RDX: variants seen among roughly 807,000 people sequenced by gnomAD.
The protein encoded by RDX is deafness, autosomal recessive 24.
In RDX, 32 loss-of-function variants were observed where a neutral mutation model predicts 83.7. The observed-to-expected ratio is 0.38, with a 90% CI of 0.29 to 0.51. RDX has a LOEUF of 0.51. RDX is among the 20% of genes least tolerant of loss of function. RDX has a pLI of 0.87. For synonymous variants in RDX, 229 were observed against 222.7 expected (o/e 1.03, Z -0.25); for missense variants, 600 against 689.9 (o/e 0.87, Z 1.46).
intron 14 of RDX, among the ~76,000 whole-genome samples, chr11:110,211,175 AGG>A (rs1425245906): frequency 2.0e-5 from 3 of 152,232 alleles, no homozygotes; most frequent in Non-Finnish European, 4.4e-5. Flanking sequence ...AAAAAAAGGC[AGG>A]GGTTGCAATC....
chr11:110,231,430 G>T lies in RDX; in HGVS notation c.*439C>A. On this transcript the variant is annotated 3_prime_UTR_variant, in exon 14 of 14. Transcript: ENST00000645495. ...ATGGCTATGGACATGGCAGATAAGA[G>T]AAGGGCACACTGAGAAAATGTGAGT... 1 of 237,694 alleles carries T rather than the reference G, an allele frequency of 4.2e-6. No individual in the cohort carries two copies. Among genetic ancestry groups the T allele is most frequent in the South Asian group, 6.3e-5 (1 of 15,960 alleles). The allele number at this position is 237,694 out of a possible 1,614,324, so 14.7% of individuals were successfully genotyped here. A position where few individuals can be genotyped will look rare whatever the true frequency, so the allele number is the denominator to read the frequency against.
intron 2 of RDX, among the ~76,000 whole-genome samples, chr11:110,278,140 G>C (rs781573832): frequency 6.6e-6 from 1 of 151,944 alleles, no homozygotes; most frequent in African/African-American, 2.4e-5. Flanking sequence ...TCATTTCACC[G>C]ATCCTATTAA....
intron 2 of RDX, among the ~76,000 whole-genome samples, chr11:110,275,960 T>C (rs963205890): frequency 2.2e-4 from 34 of 151,906 alleles, no homozygotes; most frequent in African/African-American, 8.0e-4. Flanking sequence ...ATTTTTTGTA[T>C]TTTTAGTATA....
intron 10 of RDX, among the ~76,000 whole-genome samples, chr11:110,239,723 C>G (rs1166276255): frequency 6.7e-6 from 1 of 149,924 alleles, no homozygotes; most frequent in Non-Finnish European, 1.5e-5. Context: ...TTGGGATTTA[C>G]AAAAATTAGC....
intron 3 of RDX, among the ~76,000 whole-genome samples, chr11:110,270,124 G>C (rs190878319): frequency 6.6e-6 from 1 of 151,480 alleles, no homozygotes; most frequent in African/African-American, 2.4e-5. Flanking sequence ...GCATGTGTGC[G>C]TGTGTGTGTG....
intron 1 of RDX, chr11:110,287,073 C>T (rs1031439641): frequency 2.6e-5 from 4 of 151,890 alleles, no homozygotes; most frequent in Non-Finnish European, 5.9e-5. Flanking sequence ...TAATGTATTC[C>T]AAAAGTATCT....
rs1565310090 is a variant in RDX, at chr11:110,241,075, A to AAG, written c.1091-3424_1091-3423insCT. On this transcript the variant is annotated intron_variant, in intron 10 of 13. Coordinates refer to ENST00000645495, the MANE Select transcript of RDX (RefSeq NM_002906.4). ...TGTCTCCAAAAAAAAAAAAAAAAAAAGGGGCGGGGGGGCAAAGATGTGTAC... is the reference window on the plus strand; with the variant it reads ...TGTCTCCAAAAAAAAAAAAAAAAAAAAGGGGGCGGGGGGGCAAAGATGTGTAC... Among the ~76,000 whole-genome samples the AAG allele has an allele frequency of 5.7e-4, 76 of 134,108 alleles. 1 individual carries two copies. Among genetic ancestry groups the AAG allele is most frequent in the Admixed American group, 1.0e-3 (14 of 13,386 alleles). 88.0% of individuals were successfully genotyped at this position (134,108 alleles called of 152,430 possible).
At chr11:110,272,665 G>A (rs1392871786) in intron 2 of RDX, 46 bp from the exon 3 acceptor site, 1 of 1,283,700 alleles carries the variant, frequency 7.8e-7, no homozygotes, top group African/African-American at 1.5e-5. Context: ...GAAGTTATTA[G>A]GCGTGAGAAA....
chr11:110,252,612 A>G (rs1382279585), intron 9 of RDX, among the ~76,000 whole-genome samples: 6 of 152,196 alleles, frequency 3.9e-5, no homozygotes, highest in African/African-American at 1.2e-4. Flanking sequence ...CCTTTGACAG[A>G]GGGAAATGCA....
chr11:110,196,189 A>T (rs577776510), intron 15 of RDX: 3 of 152,364 alleles, frequency 2.0e-5, no homozygotes, highest in African/African-American at 7.2e-5. Flanking sequence ...CAGAAAGTGA[A>T]TAGGAAAGTC....
Position 110,279,756 on chromosome 11 carries a change from T to A in RDX, c.-64A>T. 9.8e-7 allele frequency: 1 copy of A among 1,016,582 alleles called. No individual in the cohort carries two copies. The highest frequency in any genetic ancestry group is 1.5e-6 in the Non-Finnish European group (1 of 667,336). 63.0% of individuals were successfully genotyped at this position (1,016,582 alleles called of 1,614,324 possible). A position where few individuals can be genotyped will look rare whatever the true frequency, so the allele number is the denominator to read the frequency against. On this transcript the variant is annotated splice_region_variant and 5_prime_UTR_variant, in exon 2 of 14. Transcript: ENST00000645495. ...ACTTCAATGAATTCTGTTATCACTTTCTGTTAAAAAAAAAAAAGCATAATC... is the reference window on the plus strand; with the variant it reads ...ACTTCAATGAATTCTGTTATCACTTACTGTTAAAAAAAAAAAAGCATAATC...
At chr11:110,277,289 T>A (rs933037429) in intron 2 of RDX, among the ~76,000 whole-genome samples, 1 of 152,162 alleles carries the variant, frequency 6.6e-6, no homozygotes. Flanking sequence ...ATATCTACAC[T>A]GGATTATTAC....
intron 1 of RDX, among the ~76,000 whole-genome samples, chr11:110,292,136 T>C (rs1214117612): frequency 6.6e-6 from 1 of 151,954 alleles, no homozygotes; most frequent in Non-Finnish European, 1.5e-5. Flanking sequence ...CTACTAAAAA[T>C]ACAAAAATTA....
chr11:110,240,510 G>A (rs1294698279), intron 10 of RDX, among the ~76,000 whole-genome samples: 3 of 151,978 alleles, frequency 2.0e-5, no homozygotes, highest in Non-Finnish European at 2.9e-5. Context: ...TTGGGAGGCC[G>A]AGGCGGGCGG....
chr11:110,207,106 C>A (rs1028769796), intron 14 of RDX, among the ~76,000 whole-genome samples: 1 of 152,052 alleles, frequency 6.6e-6, no homozygotes, highest in Non-Finnish European at 1.5e-5. Flanking sequence ...CCCTAGTAGC[C>A]AGGATTACAG....
chr11:110,240,144 G>A (rs1865025003), intron 10 of RDX, among the ~76,000 whole-genome samples: 1 of 152,152 alleles, frequency 6.6e-6, no homozygotes, highest in African/African-American at 2.4e-5. Flanking sequence ...GCCAAAACAT[G>A]AAGTCAACCT....
intron 12 of RDX, among the ~76,000 whole-genome samples, chr11:110,235,006 T>C (rs1412393918): frequency 6.6e-6 from 1 of 152,182 alleles, no homozygotes; most frequent in African/African-American, 2.4e-5. Flanking sequence ...GATTTTACAA[T>C]TGTGTGCTAC....
At chr11:110,191,995 C>A (rs1237103474) in intron 15 of RDX, among the ~76,000 whole-genome samples, 1 of 152,196 alleles carries the variant, frequency 6.6e-6, no homozygotes, top group Admixed American at 6.5e-5. Context: ...CTATCCCTAT[C>A]AAACTACCAA....
At chr11:110,236,794 A>G (rs1218058694) in intron 11 of RDX, 1 of 152,338 alleles carries the variant, frequency 6.6e-6, no homozygotes, top group Non-Finnish European at 1.5e-5. Context: ...CTAATTTTGT[A>G]TTTTTAGTAG....
Sources: gnomAD v4.1 joint callset for allele counts (sites outside exome capture counted in the v4.1 genomes callset) on GRCh38, gnomAD v4.1.1 for gene constraint, MANE v1.5 for transcripts, NCBI Gene and HGNC (gene_info 2026-07-23, HGNC 2026-07-21) for gene names.